The following AP3S2 variants were observed in gnomAD, a reference collection of about 807,000 sequenced individuals.
AP3S2 encodes the protein adaptor related protein complex 3 subunit sigma 2, also known as AP-3 complex subunit sigma-2.
A neutral mutation model predicts 23.4 loss-of-function variants in AP3S2; 22 were observed. The ratio of observed to expected loss-of-function variants is 0.94; its 90% CI spans 0.67 to 1.34. The LOEUF (loss-of-function observed/expected upper bound fraction) is 1.34. Ranked by LOEUF, AP3S2 falls within the 40% of genes most tolerant of loss-of-function variation. The probability of loss-of-function intolerance (pLI) is 0.00; values close to 1 mark genes in which losing one functional copy is unlikely to be tolerated. For missense variants in AP3S2, 241 were observed against 236.9 expected (o/e 1.02, Z -0.11); for synonymous variants, 86 against 87.1 (o/e 0.99, Z 0.07).
intron 4 of AP3S2, among the ~76,000 whole-genome samples, chr15:89,866,132 G>T (rs2141872736): frequency 6.6e-6 from 1 of 151,950 alleles, no homozygotes; most frequent in East Asian, 2.0e-4. Context: ...CATGGTGGCA[G>T]GCACCTGTAG....
intron 4 of AP3S2, among the ~76,000 whole-genome samples, chr15:89,863,858 T>C (rs1896060157): frequency 6.6e-6 from 1 of 152,194 alleles, no homozygotes; most frequent in African/African-American, 2.4e-5. Context: ...GGACAAGGCT[T>C]TTGCCTATCT....
chr15:89,847,375 CAAAAAAAAAAAAAA>C (rs11314336), intron 4 of AP3S2, among the ~76,000 whole-genome samples: 192 of 62,616 alleles, frequency 3.1e-3, no homozygotes, highest in African/African-American at 0.012. Flanking sequence ...GACCCTGTTA[CAAAAAAAAAAAAAA>C]AAAAAAAAAA....
intron 4 of AP3S2, among the ~76,000 whole-genome samples, chr15:89,858,639 G>C (rs1895925573): frequency 6.6e-6 from 1 of 152,048 alleles, no homozygotes. Context: ...CAATAAAATT[G>C]AATCTCAATT....
chr15:89,867,267 G>A (rs1896155812), intron 4 of AP3S2, among the ~76,000 whole-genome samples: 1 of 150,382 alleles, frequency 6.6e-6, no homozygotes, highest in South Asian at 2.1e-4. Flanking sequence ...GCCAGCCTTG[G>A]CCTCCCGAGG....
At position 89,867,147 on chromosome 15, in the gene AP3S2, C is replaced by T. The variant is rs1416125904; in HGVS notation, c.345+4328G>A. Among the ~76,000 whole-genome samples, 15 of 148,414 alleles carry T rather than the reference C, an allele frequency of 1.0e-4. No homozygotes were observed. In the East Asian group the frequency reaches 1.7e-3, roughly 17 times the overall value. On this transcript the variant is annotated intron_variant, in intron 4 of 5. Transcript: ENST00000336418. ...GCCTGATTCTCCTGCCTCAGCCTGC[C>T]GAGTGCCTGCGATTGCAGGCACGCG...
chr15:89,869,203 A>G (rs1433797734), intron 4 of AP3S2, among the ~76,000 whole-genome samples: 4 of 149,272 alleles, frequency 2.7e-5, no homozygotes, highest in Non-Finnish European at 6.0e-5. Flanking sequence ...GACATGGGAG[A>G]CTTTTCATTT....
chr15:89,868,994 G>A (rs1896244427), intron 4 of AP3S2, among the ~76,000 whole-genome samples: 1 of 149,582 alleles, frequency 6.7e-6, no homozygotes, highest in South Asian at 2.1e-4. Context: ...CGGGAGGTGA[G>A]GGGCGCCTCT....
chr15:89,886,798 T>C (rs1896711475), intron 3 of AP3S2, among the ~76,000 whole-genome samples: 2 of 152,162 alleles, frequency 1.3e-5, no homozygotes, highest in Admixed American at 1.3e-4. Flanking sequence ...GATCTTGAGC[T>C]TTTTTTCTTT....
At chr15:89,881,874 G>T (rs960399595) in intron 3 of AP3S2, among the ~76,000 whole-genome samples, 1 of 150,702 alleles carries the variant, frequency 6.6e-6, no homozygotes, top group East Asian at 2.0e-4. Flanking sequence ...AGGCTGGAGC[G>T]CAATGGCACG....
intron 4 of AP3S2, among the ~76,000 whole-genome samples, chr15:89,864,962 TC>T (rs1308576190): frequency 2.0e-5 from 3 of 152,094 alleles, no homozygotes; most frequent in African/African-American, 7.2e-5. Context: ...AAGATGCTCA[TC>T]TTCATAAGAA....
chr15:89,871,569 TAAA>T (rs1896319721), intron 3 of AP3S2, 23 bp from the exon 4 acceptor site: 3 of 1,610,782 alleles, frequency 1.9e-6, no homozygotes, highest in Non-Finnish European at 1.7e-6. Context: ...GAGAAATAGA[TAAA>T]GAAGAGAAAT....
At chr15:89,858,297 C>A (rs1019019914) in intron 4 of AP3S2, among the ~76,000 whole-genome samples, 1 of 151,566 alleles carries the variant, frequency 6.6e-6, no homozygotes, top group Non-Finnish European at 1.5e-5. Context: ...CAAAACTAGC[C>A]GGGTGTGGTG....
At chr15:89,842,260 C>T (rs1421635534) in intron 4 of AP3S2, among the ~76,000 whole-genome samples, 2 of 151,790 alleles carry the variant, frequency 1.3e-5, no homozygotes, top group African/African-American at 2.4e-5. Context: ...TTACAAAAGA[C>T]AGCAAAGGAG....
At chr15:89,854,426 C>T (rs1289405004) in intron 4 of AP3S2, among the ~76,000 whole-genome samples, 52 of 48,722 alleles carry the variant, frequency 1.1e-3, no homozygotes, top group Non-Finnish European at 1.4e-3. Context: ...CCAGCCGCCC[C>T]GTCCGGGAGG....
At chr15:89,881,409 C>A (rs889195312) in intron 3 of AP3S2, among the ~76,000 whole-genome samples, 3 of 151,966 alleles carry the variant, frequency 2.0e-5, no homozygotes, top group Admixed American at 1.3e-4. Context: ...AAAATAAACT[C>A]AAAATACGCA....
chr15:89,836,890 T>A (rs1418772332), intron 5 of AP3S2, among the ~76,000 whole-genome samples: 2 of 152,178 alleles, frequency 1.3e-5, no homozygotes, highest in Non-Finnish European at 2.9e-5. Flanking sequence ...TTTCGCAAGA[T>A]CAAGTTCCGT....
At chr15:89,881,388 A>G (rs974267862) in intron 3 of AP3S2, among the ~76,000 whole-genome samples, 2 of 152,238 alleles carry the variant, frequency 1.3e-5, no homozygotes, top group Admixed American at 1.3e-4. Context: ...ATAATTAGTT[A>G]AATAAGTTTT....
At chr15:89,857,879 C>T (rs1403634761) in intron 4 of AP3S2, among the ~76,000 whole-genome samples, 1 of 152,120 alleles carries the variant, frequency 6.6e-6, no homozygotes, top group Admixed American at 6.5e-5. Flanking sequence ...ATTTTGATCA[C>T]TGAAATGTGA....
At chr15:89,846,208 G>C (rs1235471035) in intron 4 of AP3S2, among the ~76,000 whole-genome samples, 1 of 152,168 alleles carries the variant, frequency 6.6e-6, no homozygotes, top group Non-Finnish European at 1.5e-5. Flanking sequence ...TTTTAGCTCT[G>C]TCCTATTTAA....
Sources: gnomAD v4.1 joint callset for allele counts (sites outside exome capture counted in the v4.1 genomes callset) on GRCh38, gnomAD v4.1.1 for gene constraint, MANE v1.5 for transcripts, NCBI Gene and HGNC (gene_info 2026-07-23, HGNC 2026-07-21) for gene names.